TMCO5A: variants seen among roughly 807,000 people sequenced by gnomAD.
TMCO5A encodes transmembrane and coiled-coil domain-containing protein 5A.
Under a neutral mutation model 42.3 loss-of-function variants are expected in TMCO5A, and 34 were observed. The ratio of observed to expected loss-of-function variants is 0.80; its 90% confidence interval spans 0.61 to 1.07. TMCO5A has a LOEUF of 1.07. TMCO5A is among the 50% of genes least tolerant of loss of function. The probability of loss-of-function intolerance (pLI) is 0.00; values close to 1 mark genes in which losing one functional copy is unlikely to be tolerated. For synonymous variants in TMCO5A, 131 were observed against 115.6 expected (o/e 1.13, Z -0.86); for missense variants, 357 against 327.9 (o/e 1.09, Z -0.69).
chr15:37,940,482 G>C (rs1344078369), intron 6 of TMCO5A, among the ~76,000 whole-genome samples: 1 of 152,020 alleles, frequency 6.6e-6, no homozygotes, highest in Non-Finnish European at 1.5e-5. Context: ...ATCACATCAG[G>C]GAGGCCTTTG....
At chr15:38,011,178 G>A in the TMCO5A span, among the ~76,000 whole-genome samples, 1 of 152,182 alleles carries the variant, frequency 6.6e-6, no homozygotes, top group Non-Finnish European at 1.5e-5. Context: ...TGTCTCACAA[G>A]GTTGGAATCA....
chr15:38,004,467 G>T, the TMCO5A span, among the ~76,000 whole-genome samples: 16 of 152,102 alleles, frequency 1.1e-4, no homozygotes, highest in African/African-American at 3.4e-4. Flanking sequence ...GAATTGCAGT[G>T]CTTGTGGCTT....
the TMCO5A span, among the ~76,000 whole-genome samples, chr15:38,032,850 A>C: frequency 6.6e-6 from 1 of 150,876 alleles, no homozygotes; most frequent in South Asian, 2.1e-4. Context: ...CTCTGAGGAC[A>C]CTCAGTGGTA....
At chr15:37,942,054 G>A in intron 8 of TMCO5A, 137 bp from the exon 9 acceptor site, 1 of 815,840 alleles carries the variant, frequency 1.2e-6, no homozygotes, top group Admixed American at 2.4e-5. Flanking sequence ...AGGGGGGTGA[G>A]TTTTATGAAA....
intron 11 of TMCO5A, among the ~76,000 whole-genome samples, chr15:37,965,607 CA>C (rs1445219758): frequency 6.6e-6 from 1 of 152,094 alleles, no homozygotes; most frequent in Non-Finnish European, 1.5e-5. Flanking sequence ...AAGATTTGAA[CA>C]GACATTTCTC....
At chr15:37,970,199 GGA>G (rs1890647780), downstream of TMCO5A, among the ~76,000 whole-genome samples, 1 of 152,218 alleles carries the variant, frequency 6.6e-6, no homozygotes, top group South Asian at 2.1e-4. Flanking sequence ...TACAAAAGAA[GGA>G]GGCTTATTGG....
the TMCO5A span, among the ~76,000 whole-genome samples, chr15:38,036,074 C>T: frequency 6.6e-6 from 1 of 152,176 alleles, no homozygotes; most frequent in Non-Finnish European, 1.5e-5. Context: ...ACGTCCCCTC[C>T]ATCACCCAGT....
the TMCO5A span, among the ~76,000 whole-genome samples, chr15:37,978,970 T>A: frequency 0.2 from 30,834 of 151,228 alleles, 6,532 homozygotes; most frequent in African/African-American, 0.55. Flanking sequence ...TTTAAAAACC[T>A]GATCTAGTGA....
chr15:37,993,776 G>A, the TMCO5A span, among the ~76,000 whole-genome samples: 55 of 152,226 alleles, frequency 3.6e-4, no homozygotes, highest in African/African-American at 1.3e-3. Context: ...AATTTATGAA[G>A]GACAGGGCTT....
exon 12 of TMCO5A, chr15:37,966,924 C>A: frequency 2.2e-6 from 1 of 461,768 alleles, no homozygotes; most frequent in Non-Finnish European, 3.8e-6. Context: ...ATATGAAATG[C>A]ATTTCTCCCA....
chr15:38,016,587 C>T, the TMCO5A span, among the ~76,000 whole-genome samples: 12 of 152,146 alleles, frequency 7.9e-5, no homozygotes, highest in Non-Finnish European at 1.3e-4. Context: ...CAAGCACCTA[C>T]GGTAACTTCC....
chr15:37,990,532 T>A, the TMCO5A span, among the ~76,000 whole-genome samples: 1 of 152,098 alleles, frequency 6.6e-6, no homozygotes, highest in African/African-American at 2.4e-5. Flanking sequence ...GATGACAGCA[T>A]ATAGTTGGAT....
At chr15:38,013,762 G>T in the TMCO5A span, among the ~76,000 whole-genome samples, 1 of 152,020 alleles carries the variant, frequency 6.6e-6, no homozygotes. Context: ...AAGATAATCT[G>T]GATTCAATTT....
the TMCO5A span, among the ~76,000 whole-genome samples, chr15:38,015,922 T>C: frequency 6.6e-6 from 1 of 152,216 alleles, no homozygotes; most frequent in Non-Finnish European, 1.5e-5. Context: ...GGGATGAATA[T>C]GCAGAGCATA....
rs1015473165 is a variant in TMCO5A, at chr15:37,936,168, A to G, written c.-10-146A>G. ...AAACAGTTGTAGAGCATGATCAAGA[A>G]ATGTAATTTTTCAAGAATGAAAATG... On this transcript the variant is annotated intron_variant, in intron 2 of 11. Coordinates refer to ENST00000319669, the MANE Select transcript of TMCO5A (RefSeq NM_152453.4). 3.3e-6 allele frequency: 3 copies of G among 908,654 alleles called. No homozygotes were observed. In the African/African-American group the frequency reaches 5.2e-5, roughly 16 times the overall value. 56.3% of individuals were successfully genotyped at this position (908,654 alleles called of 1,614,324 possible).
the TMCO5A span, among the ~76,000 whole-genome samples, chr15:37,990,009 C>T: frequency 3.3e-5 from 5 of 152,050 alleles, no homozygotes; most frequent in African/African-American, 4.8e-5. Context: ...TTATATCTCT[C>T]TTTTTAAATC....
At chr15:37,953,326 G>T (rs559958256), downstream of TMCO5A, among the ~76,000 whole-genome samples, 4 of 152,264 alleles carry the variant, frequency 2.6e-5, no homozygotes, top group Non-Finnish European at 5.9e-5. Context: ...GGCCACAGAG[G>T]TACTTGTGTT....
At chr15:37,966,796 A>G in exon 12 of TMCO5A, 1 of 677,112 alleles carries the variant, frequency 1.5e-6, no homozygotes, top group Non-Finnish European at 2.7e-6. Context: ...TCCCACAGTC[A>G]ATGTGGCCAG....
At chr15:38,026,809 A>G in the TMCO5A span, among the ~76,000 whole-genome samples, 1 of 152,240 alleles carries the variant, frequency 6.6e-6, no homozygotes, top group Non-Finnish European at 1.5e-5. Flanking sequence ...TGCTCCAGCC[A>G]TGGCTGAAAG....
Sources: gnomAD v4.1 joint callset for allele counts (sites outside exome capture counted in the v4.1 genomes callset) on GRCh38, gnomAD v4.1.1 for gene constraint, MANE v1.5 for transcripts, NCBI Gene and HGNC (gene_info 2026-07-23, HGNC 2026-07-21) for gene names.